CIRSR: variants seen among roughly 807,000 people sequenced by gnomAD.
The protein encoded by CIRSR is CBF1 (RBPJ) interacting corepressor 1.
the CIRSR span, among the ~76,000 whole-genome samples, chr2:174,355,340 T>C: frequency 6.6e-6 from 1 of 152,206 alleles, no homozygotes; most frequent in Admixed American, 6.5e-5. Flanking sequence ...TATTCTTAAA[T>C]TTGTCATGGT....
chr2:174,373,468 ACAGT>A, the CIRSR span, among the ~76,000 whole-genome samples: 4 of 152,196 alleles, frequency 2.6e-5, no homozygotes, highest in Non-Finnish European at 5.9e-5. Flanking sequence ...ATATCATGTG[ACAGT>A]CAATGTTTGA....
chr2:174,373,931 T>C, the CIRSR span, among the ~76,000 whole-genome samples: 1 of 152,166 alleles, frequency 6.6e-6, no homozygotes, highest in Non-Finnish European at 1.5e-5. Context: ...TTGCTTACAA[T>C]GGTTTCACCA....
the CIRSR span, chr2:174,378,943 G>C: frequency 6.2e-7 from 1 of 1,612,382 alleles, no homozygotes; most frequent in South Asian, 1.1e-5. Context: ...AGTGGGAACC[G>C]AACTTGCATT....
chr2:174,360,201 A>G, the CIRSR span, among the ~76,000 whole-genome samples: 10 of 152,352 alleles, frequency 6.6e-5, no homozygotes, highest in East Asian at 1.9e-3. Flanking sequence ...TAGAACTTAA[A>G]GTAAAATAAA....
the CIRSR span, chr2:174,351,589 T>C: frequency 1.3e-6 from 2 of 1,557,656 alleles, no homozygotes; most frequent in Non-Finnish European, 1.8e-6. Context: ...TTTATAGACA[T>C]TTTCAGCTTA....
the CIRSR span, chr2:174,349,071 G>C: frequency 2.3e-5 from 37 of 1,578,242 alleles, no homozygotes; most frequent in Non-Finnish European, 3.2e-5. Context: ...GGAAGATGAG[G>C]AAGAAGAGGA....
chr2:174,358,051 C>G, the CIRSR span: 2 of 152,112 alleles, frequency 1.3e-5, no homozygotes, highest in South Asian at 2.1e-4. Context: ...CAAGTTCATA[C>G]TGAAGACAGC....
the CIRSR span, among the ~76,000 whole-genome samples, chr2:174,366,860 G>A: frequency 1.3e-5 from 2 of 152,130 alleles, no homozygotes; most frequent in South Asian, 2.1e-4. Context: ...TATAGTATTC[G>A]AAAGTGGACT....
the CIRSR span, among the ~76,000 whole-genome samples, chr2:174,382,415 G>T: frequency 6.6e-6 from 1 of 152,148 alleles, no homozygotes; most frequent in African/African-American, 2.4e-5. Context: ...AAAGCAAGTA[G>T]ATCACCTGAG....
chr2:174,349,490 G>A, the CIRSR span, among the ~76,000 whole-genome samples: 12 of 149,148 alleles, frequency 8.0e-5, no homozygotes, highest in East Asian at 2.0e-4. Flanking sequence ...GCTTGAACCC[G>A]GGAGGCGGAG....
At chr2:174,370,784 G>A in the CIRSR span, among the ~76,000 whole-genome samples, 4 of 151,946 alleles carry the variant, frequency 2.6e-5, no homozygotes, top group Admixed American at 6.6e-5. Flanking sequence ...GGTGGCAGGC[G>A]CCTGTAGTCC....
At chr2:174,386,885 T>G in the CIRSR span, among the ~76,000 whole-genome samples, 1 of 152,230 alleles carries the variant, frequency 6.6e-6, no homozygotes, top group Non-Finnish European at 1.5e-5. Flanking sequence ...CCTTCAACTA[T>G]ATGTATTTGT....
chr2:174,380,866 C>T, the CIRSR span: 1 of 1,449,836 alleles, frequency 6.9e-7, no homozygotes, highest in Non-Finnish European at 9.5e-7. Context: ...AAGTTAAAAA[C>T]TTCAATATAA....
chr2:174,351,810 T>G, the CIRSR span: 1 of 936,516 alleles, frequency 1.1e-6, no homozygotes, highest in African/African-American at 1.7e-5. Flanking sequence ...AGTTGAAGCT[T>G]TGTTAAGTAA....
At chr2:174,348,201 CAG>C in the CIRSR span, 21 of 269,986 alleles carry the variant, frequency 7.8e-5, no homozygotes, top group African/African-American at 4.2e-4. Flanking sequence ...GAAAATGTCA[CAG>C]AGTTATATGC....
At chr2:174,357,542 TGAAA>T in the CIRSR span, among the ~76,000 whole-genome samples, 1 of 152,180 alleles carries the variant, frequency 6.6e-6, no homozygotes, top group Non-Finnish European at 1.5e-5. Flanking sequence ...TTATCACAAA[TGAAA>T]GAAAGTACAA....
chr2:174,363,517 C>T, the CIRSR span, among the ~76,000 whole-genome samples: 1 of 152,092 alleles, frequency 6.6e-6, no homozygotes, highest in African/African-American at 2.4e-5. Flanking sequence ...GTCCAGCTTT[C>T]AACAAAAAAT....
the CIRSR span, among the ~76,000 whole-genome samples, chr2:174,390,687 C>T: frequency 2.9e-5 from 4 of 138,822 alleles, no homozygotes; most frequent in African/African-American, 9.0e-5. Context: ...CCATAATCCC[C>T]GCGTATCGTG....
the CIRSR span, among the ~76,000 whole-genome samples, chr2:174,389,195 T>C: frequency 3.3e-5 from 5 of 152,288 alleles, no homozygotes; most frequent in East Asian, 7.7e-4. Flanking sequence ...CAGGAAAATG[T>C]GGGAAACTCT....
Sources: gnomAD v4.1 joint callset for allele counts (sites outside exome capture counted in the v4.1 genomes callset) on GRCh38, gnomAD v4.1.1 for gene constraint, MANE v1.5 for transcripts, NCBI Gene and HGNC (gene_info 2026-07-23, HGNC 2026-07-21) for gene names.